The following CFAP221 variants were observed in gnomAD, a reference collection of about 807,000 sequenced individuals.
The protein encoded by CFAP221 is cilia- and flagella-associated protein 221.
CFAP221 carries 97 observed loss-of-function variants against 113.1 expected under a neutral mutation model. The observed-to-expected ratio is 0.86, with a 90% CI of 0.73 to 1.02. The LOEUF is 1.02. Among genes scored for constraint, CFAP221 ranks in the 50% least tolerant of loss-of-function variants. The pLI, the probability that CFAP221 is intolerant of heterozygous loss-of-function variation, is 0.00. For missense variants in CFAP221, 1,025 were observed against 1,013.4 expected (o/e 1.01, Z -0.16); for synonymous variants, 331 against 354.4 (o/e 0.93, Z 0.74).
chr2:119,622,885 A>G (rs1225739534), intron 14 of CFAP221, among the ~76,000 whole-genome samples: 2 of 152,216 alleles, frequency 1.3e-5, no homozygotes, highest in Non-Finnish European at 2.9e-5. Flanking sequence ...AATAAGAACT[A>G]TTTATGACAA....
At chr2:119,626,348 T>G (rs1285128100) in intron 15 of CFAP221, among the ~76,000 whole-genome samples, 1 of 152,164 alleles carries the variant, frequency 6.6e-6, no homozygotes, top group African/African-American at 2.4e-5. Context: ...GTGCCATTAT[T>G]CAGCCTATCT....
intron 6 of CFAP221, among the ~76,000 whole-genome samples, chr2:119,565,797 C>T (rs1308471771): frequency 6.6e-6 from 1 of 152,226 alleles, no homozygotes; most frequent in African/African-American, 2.4e-5. Flanking sequence ...TCCTATGCTA[C>T]ATTCAATCCA....
At chr2:119,623,090 A>G (rs1686054717) in intron 14 of CFAP221, among the ~76,000 whole-genome samples, 2 of 152,220 alleles carry the variant, frequency 1.3e-5, no homozygotes, top group South Asian at 4.1e-4. Flanking sequence ...CTCTTTGCAG[A>G]TGACATGATT....
At chr2:119,639,462 G>A (rs186791667) in intron 20 of CFAP221, among the ~76,000 whole-genome samples, 1 of 152,338 alleles carries the variant, frequency 6.6e-6, no homozygotes, top group African/African-American at 2.4e-5. Context: ...TCCAAGTGTT[G>A]CATTAGCATC....
In CFAP221 at chr2:119,601,222, A is replaced by G. The variant is rs1398318738; in HGVS notation, c.636A>G (p.Ile212Met). ...TTCTCATTTCTTTCCTCTCAGGAAT[A>G]ATTCCGGCTAATGGGAAGATGACTG... Reference protein sequence around the residue: ...QAFAIEPTSGIIPANGKMTVT... With the variant: ...QAFAIEPTSGMIPANGKMTVT... The change falls in exon 8 of 24, where the codon ATA (isoleucine) becomes ATG (methionine). Residue 212 changes from isoleucine to methionine, a missense_variant. By Grantham distance (10) the Ile-to-Met change is conservative. Coordinates refer to ENST00000413369, the MANE Select transcript of CFAP221 (RefSeq NM_001271049.2). 31 of 1,520,246 alleles carry G rather than the reference A, an allele frequency of 2.0e-5. No individual in the cohort carries two copies. The highest frequency in any genetic ancestry group is 4.0e-5 in the Admixed American group (2 of 50,230). The allele number at this position is 1,520,246 out of a possible 1,614,324, so 94.2% of individuals were successfully genotyped here.
intron 3 of CFAP221, among the ~76,000 whole-genome samples, chr2:119,557,977 A>AC (rs397968371): frequency 6.9e-6 from 1 of 145,330 alleles, no homozygotes; most frequent in Non-Finnish European, 1.5e-5. Context: ...AAAAAAAAAA[A>AC]GCACCCCTAG....
At chr2:119,609,845 G>A (rs1685030843) in intron 12 of CFAP221, among the ~76,000 whole-genome samples, 1 of 152,170 alleles carries the variant, frequency 6.6e-6, no homozygotes, top group Admixed American at 6.5e-5. Context: ...TTCTCATAGA[G>A]AATGTACTTT....
chr2:119,648,473 C>T (rs548777396), intron 22 of CFAP221: 11 of 324,466 alleles, frequency 3.4e-5, no homozygotes, highest in South Asian at 1.0e-4. Flanking sequence ...GTATCTGTGA[C>T]GACAGAGTCG....
intron 3 of CFAP221, among the ~76,000 whole-genome samples, chr2:119,558,954 C>A (rs1186713179): frequency 1.3e-5 from 2 of 152,222 alleles, no homozygotes; most frequent in Non-Finnish European, 2.9e-5. Context: ...AATGGGACTT[C>A]CAAGCCCCTG....
chr2:119,653,244 G>A (rs1180510709), intron 23 of CFAP221, among the ~76,000 whole-genome samples: 1 of 151,956 alleles, frequency 6.6e-6, no homozygotes, highest in Non-Finnish European at 1.5e-5. Flanking sequence ...AGCTGGGCGT[G>A]GTGGCAGGTG....
chr2:119,629,978 A>T, intron 17 of CFAP221, 23 bp downstream of exon 17: 1 of 1,549,384 alleles, frequency 6.5e-7, no homozygotes, highest in Non-Finnish European at 8.8e-7. Flanking sequence ...ACATAAATTA[A>T]TTAATTGAGT....
chr2:119,559,737 C>T lies in CFAP221; in HGVS notation c.289C>T (p.Pro97Ser). The change falls in exon 4 of 24, where the codon CCG becomes TCG. Residue 97 changes from proline (P) to serine (S), a missense_variant. Coordinates refer to ENST00000413369, the MANE Select transcript of CFAP221 (RefSeq NM_001271049.2). Reference sequence around the variant, plus strand: ...AGACACACGTGTTCATATTTTACCCCCGCAAACCAAATACTTTGAGATCAA... The same window carrying T: ...AGACACACGTGTTCATATTTTACCCTCGCAAACCAAATACTTTGAGATCAA... ...NEDTRVHILP[P>S]QTKYFEINYV... 1 of 1,532,510 alleles carries T rather than the reference C, an allele frequency of 6.5e-7. No homozygotes were observed. The highest frequency in any genetic ancestry group is 8.7e-7 in the Non-Finnish European group (1 of 1,143,740). The allele number at this position is 1,532,510 out of a possible 1,614,324, so 94.9% of individuals were successfully genotyped here.
intron 6 of CFAP221, among the ~76,000 whole-genome samples, chr2:119,579,935 C>G (rs1682725101): frequency 6.6e-6 from 1 of 152,164 alleles, no homozygotes; most frequent in Non-Finnish European, 1.5e-5. Context: ...GCAACACAGC[C>G]TGTGTGGCTG....
chr2:119,635,615 A>G (rs373166655), intron 19 of CFAP221, among the ~76,000 whole-genome samples: 31 of 152,326 alleles, frequency 2.0e-4, no homozygotes, highest in African/African-American at 6.3e-4. Context: ...TATGACGGCA[A>G]TGGTTTTGCA....
At chr2:119,574,464 A>G (rs1682292690) in intron 6 of CFAP221, among the ~76,000 whole-genome samples, 1 of 152,312 alleles carries the variant, frequency 6.6e-6, no homozygotes, top group Middle Eastern at 3.4e-3. Context: ...AGAATATAAC[A>G]TAGGGAATTT....
chr2:119,639,382 G>A (rs1171414272), intron 20 of CFAP221, among the ~76,000 whole-genome samples: 1 of 152,154 alleles, frequency 6.6e-6, no homozygotes, highest in Non-Finnish European at 1.5e-5. Flanking sequence ...TCCTTGCAGC[G>A]CTCGCCTCCC....
chr2:119,658,411 C>T (rs1688520551), downstream of CFAP221, among the ~76,000 whole-genome samples: 1 of 152,098 alleles, frequency 6.6e-6, no homozygotes. Context: ...CAGTATATTC[C>T]AGACTCATCT....
At chr2:119,633,716 G>A (rs1686935796) in intron 19 of CFAP221, among the ~76,000 whole-genome samples, 1 of 31,998 alleles carries the variant, frequency 3.1e-5, no homozygotes, top group Non-Finnish European at 6.7e-5. Flanking sequence ...ATGGCCAACA[G>A]CTATATGAAA....
chr2:119,637,640 G>C (rs1687201259), intron 19 of CFAP221, among the ~76,000 whole-genome samples: 1 of 152,092 alleles, frequency 6.6e-6, no homozygotes, highest in South Asian at 2.1e-4. Flanking sequence ...ACAGTAAAAG[G>C]CTCTATATTT....
Sources: allele counts gnomAD v4.1 joint callset (sites outside exome capture counted in the v4.1 genomes callset), GRCh38; gene constraint gnomAD v4.1.1; transcripts MANE v1.5; gene names NCBI Gene and HGNC (gene_info 2026-07-23, HGNC 2026-07-21).